The following PLEC variants were observed in gnomAD, a reference collection of about 807,000 sequenced individuals.
The protein encoded by PLEC is hemidesmosomal protein 1.
Under a neutral mutation model 392.8 loss-of-function variants are expected in PLEC, and 216 were observed. The ratio of observed to expected loss-of-function variants is 0.55; its 90% confidence interval spans 0.49 to 0.62. PLEC has a LOEUF of 0.62. Ranked by LOEUF, PLEC falls within the 20% of genes least tolerant of loss-of-function variation. PLEC has a pLI of 0.00. For synonymous variants in PLEC, 3,621 were observed against 2,980.6 expected, an observed-to-expected ratio of 1.21 and a Z score of -7.00; for missense variants, 6,863 against 6,563.4, an observed-to-expected ratio of 1.05 and a Z score of -1.58.
chr8:143,933,138 T>C, intron 13 of PLEC, 27 bp from the exon 14 acceptor site: 1 of 1,603,240 alleles, frequency 6.2e-7, no homozygotes, highest in South Asian at 1.1e-5. Context: ...CTCAGGTAGG[T>C]GTTGGCGGGC....
At chr8:143,952,835 C>T (rs1056180012), upstream of PLEC, among the ~76,000 whole-genome samples, 2 of 152,174 alleles carry the variant, frequency 1.3e-5, no homozygotes, top group African/African-American at 2.4e-5. Flanking sequence ...GCGGTAGCTT[C>T]CTCCAGCAGA....
In PLEC at chr8:143,915,276, G is replaced by GT. The variant is rs1214683393; in HGVS notation, c.*900dup. The GT allele has an allele frequency of 2.6e-5, 4 of 152,648 alleles. No individual in the cohort carries two copies. Among genetic ancestry groups the GT allele is most frequent in the African/African-American group, 9.6e-5 (4 of 41,468 alleles). The allele number at this position is 152,648 out of a possible 1,614,324, so 9.5% of individuals were successfully genotyped here. A position where few individuals can be genotyped will look rare whatever the true frequency, so the allele number is the denominator to read the frequency against. On this transcript the variant is annotated 3_prime_UTR_variant, in exon 32 of 32. Coordinates refer to ENST00000345136, the MANE Select transcript of PLEC (RefSeq NM_201384.3). ...TCCACCTGCCACCCGCCCGGGGTTA[G>GT]TGGAACATGCAAAGCTCAGAGGGTG...
At position 143,917,779 on chromosome 8, in the gene PLEC, G is replaced by A; in HGVS notation, c.12042C>T (p.Tyr4014=). The A allele has an allele frequency of 9.3e-6, 15 of 1,613,574 alleles. No individual in the cohort carries two copies. The highest frequency in any genetic ancestry group is 1.3e-5 in the African/African-American group (1 of 75,016). ...TGAGCTTCCCAGAGTAGGGGTCCTT[G>A]TACCCAGTGACGGCGCGCTCGGCCG... ...LLSAERAVTG[Y]KDPYSGKLIS... The change falls in exon 32 of 32, where the codon TAC becomes TAT. Residue 4014 remains tyrosine (Y), a synonymous_variant. Coordinates refer to ENST00000345136, the MANE Select transcript of PLEC (RefSeq NM_201384.3).
chr8:143,976,142 C>T (rs1564242959), upstream of PLEC, among the ~76,000 whole-genome samples: 2 of 152,232 alleles, frequency 1.3e-5, no homozygotes, highest in South Asian at 2.1e-4. Flanking sequence ...TCTGCTGCAG[C>T]GAGGCCGGGA....
At position 143,922,098 on chromosome 8, in the gene PLEC, G is replaced by A. The variant is rs1554688342; in HGVS notation, c.7723C>T (p.Gln2575Ter). The change falls in exon 32 of 32, where the codon CAG becomes TAG. Residue 2575 changes from glutamine (Q) to a stop codon, truncating the protein, a stop_gained. Transcript: ENST00000345136. LOFTEE classifies it low-confidence loss of function (END_TRUNC). ...GVRRKQEELQQLEQQRRQQEE... is the reference protein window; with the variant it reads ...GVRRKQEELQ Reference sequence around the variant, plus strand: ...TGCTGCCGCCGCTGCTGCTCCAGCTGCTGCAGCTCCTCCTGCTTGCGCCGC... The same window carrying A: ...TGCTGCCGCCGCTGCTGCTCCAGCTACTGCAGCTCCTCCTGCTTGCGCCGC... 6.4e-7 allele frequency: 1 copy of A among 1,563,524 alleles called. No individual in the cohort carries two copies. The highest frequency in any genetic ancestry group is 8.6e-7 in the Non-Finnish European group (1 of 1,161,654).
chr8:143,961,446 G>T (rs995661017), intron 1 of PLEC, among the ~76,000 whole-genome samples: 2 of 152,088 alleles, frequency 1.3e-5, no homozygotes, highest in Non-Finnish European at 2.9e-5. Context: ...GGCTGGTCTC[G>T]TACTCCTGAC....
chr8:143,918,995 T>G lies in PLEC; in HGVS notation c.10826A>C (p.Gln3609Pro). The G allele has an allele frequency of 6.2e-7, 1 of 1,611,216 alleles. No individual in the cohort carries two copies. The highest frequency in any genetic ancestry group is 1.1e-5 in the South Asian group (1 of 91,088). The change falls in exon 32 of 32, where the codon CAG (glutamine) becomes CCG (proline). Residue 3609 changes from glutamine (Q) to proline (P), a missense_variant. Gln to Pro is a moderately conservative substitution (Grantham distance 76). Transcript: ENST00000345136. Reference protein sequence around the residue: ...EQRAQLMADFQAGRVTKERMI... With the variant: ...EQRAQLMADFPAGRVTKERMI... ...GCGTTCCTTGGTCACCCGGCCGGCC[T>G]GGAAGTCAGCCATCAGCTGGGCCCG...
Position 143,927,610 on chromosome 8 carries a change from C to T in PLEC, c.3556G>A (p.Glu1186Lys). ...TGGGCCAGCACAGCCTGCCAGCGCT[C>T]AAGCAACTGGGCGACCCGCTCCCGC... The part of the protein sequence containing the change: ...RWRERVAQLL[E>K]RWQAVLAQTD... Residue 1186 changes from glutamate to lysine, a missense_variant, in exon 27 of 32, where the codon GAG becomes AAG. Glu to Lys is a moderately conservative substitution (Grantham distance 56). Transcript: ENST00000345136. The T allele has an allele frequency of 1.3e-6, 2 of 1,587,444 alleles. No homozygotes were observed. Among genetic ancestry groups the T allele is most frequent in the South Asian group, 1.1e-5 (1 of 89,478 alleles).
At position 143,969,595 on chromosome 8, in the gene PLEC, T is replaced by C. The variant is rs1044493304; in HGVS notation, c.70+3808A>G. Among the ~76,000 whole-genome samples the C allele has an allele frequency of 2.0e-5, 3 of 151,782 alleles. No homozygotes were observed. Among genetic ancestry groups the C allele is most frequent in the Non-Finnish European group, 4.4e-5 (3 of 67,938 alleles). On this transcript the variant is annotated intron_variant, in intron 1 of 31. Coordinates refer to the PLEC transcript ENST00000356346. This position sits in a 1 kb window ranked among gnomAD's most constrained non-coding sequence, Gnocchi z 5.1. ...GGCGGGGACAGTTCTAGGAGAGAGT[T>C]GTGGCAATGCAGGTGAGTGGAGGTG...
intron 1 of PLEC, among the ~76,000 whole-genome samples, chr8:143,948,372 G>A (rs1554733344): frequency 1.3e-5 from 2 of 152,248 alleles, no homozygotes; most frequent in Non-Finnish European, 2.9e-5. Flanking sequence ...AAAACTCCAA[G>A]AAGTGCCTGG....
chr8:143,924,915 C>T lies in PLEC; in HGVS notation c.5014G>A (p.Glu1672Lys), dbSNP rs782791575. 62 of 1,585,032 alleles carry T rather than the reference C, an allele frequency of 3.9e-5. No homozygotes were observed. The highest frequency in any genetic ancestry group is 4.0e-5 in the Non-Finnish European group (47 of 1,173,598). ...AEKQKEEAER[E>K]ARRRGKAEEQ... ...TCCGCCTTGCCGCGCCGCCGCGCCT[C>T]GCGCTCCGCCTCCTCCTTCTGCTTC... Residue 1672 changes from glutamate to lysine, a missense_variant, in exon 31 of 32, where the codon GAG becomes AAG. Coordinates refer to ENST00000345136, the MANE Select transcript of PLEC (RefSeq NM_201384.3).
In PLEC at chr8:143,916,464, T is replaced by C. The variant is rs376093629; in HGVS notation, c.13357A>G (p.Ser4453Gly). 1 of 1,611,788 alleles carries C rather than the reference T, an allele frequency of 6.2e-7. No individual in the cohort carries two copies. Among genetic ancestry groups the C allele is most frequent in the Non-Finnish European group, 8.5e-7 (1 of 1,179,502 alleles). ...AGCCCCGTGCCCTCCTCCACCATGC[T>C]GCGGTCCAGCGCGTCCTTATAGGAG... Reference protein sequence around the residue: ...KISYKDALDRSMVEEGTGLRL... With the variant: ...KISYKDALDRGMVEEGTGLRL... Residue 4453 changes from serine to glycine, a missense_variant, in exon 32 of 32, where the codon AGC (serine) becomes GGC (glycine). Ser to Gly is a moderately conservative substitution (Grantham distance 56, BLOSUM62 0). Transcript: ENST00000345136.
upstream of PLEC, among the ~76,000 whole-genome samples, chr8:143,956,307 C>A (rs1377271062): frequency 2.0e-5 from 3 of 152,160 alleles, no homozygotes; most frequent in African/African-American, 7.2e-5. Context: ...ATTGGCCAGG[C>A]GTGGTGGCTG....
chr8:143,946,862 C>T (rs1831553012), intron 1 of PLEC, among the ~76,000 whole-genome samples: 2 of 151,336 alleles, frequency 1.3e-5, no homozygotes, highest in African/African-American at 4.9e-5. Flanking sequence ...CCTTGAGACT[C>T]ACATTCCTCA....
At position 143,925,336 on chromosome 8, in the gene PLEC, C is replaced by A. The variant is rs1413927119; in HGVS notation, c.4593G>T (p.Lys1531Asn). ...CCTCCAGGGCCTGCAGGGCCCGCTG[C>A]TTCTCGCGCGCCGCCTCGGCCTCGG... Reference protein sequence around the residue: ...VKAEAEAAREKQRALQALEEL... With the variant: ...VKAEAEAARENQRALQALEEL... Residue 1531 changes from lysine (K) to asparagine (N), a missense_variant, in exon 31 of 32, where the codon AAG becomes AAT. Coordinates refer to ENST00000345136, the MANE Select transcript of PLEC (RefSeq NM_201384.3). The A allele has an allele frequency of 2.6e-6, 4 of 1,555,630 alleles. No homozygotes were observed. Among genetic ancestry groups the A allele is most frequent in the Non-Finnish European group, 2.6e-6 (3 of 1,158,676 alleles).
rs782167428 is a variant in PLEC at position 143,924,033 on chromosome 8, C to T, written c.5896G>A (p.Glu1966Lys). 9.4e-6 allele frequency: 15 copies of T among 1,594,230 alleles called. No individual in the cohort carries two copies. The highest frequency in any genetic ancestry group is 4.5e-5 in the East Asian group (2 of 44,584). ...TGCCGCTGCCTCGCAGCCTCCAGCTCGGCCTGCTCCTTGCTGCGCAGCGTG... is the reference window on the plus strand; with the variant it reads ...TGCCGCTGCCTCGCAGCCTCCAGCTTGGCCTGCTCCTTGCTGCGCAGCGTG... ...EDTLRSKEQA[E>K]LEAARQRQLA... The change falls in exon 31 of 32, where the codon GAG becomes AAG. Residue 1966 changes from glutamate to lysine, a missense_variant. By Grantham distance (56) the Glu-to-Lys change is moderately conservative. Transcript: ENST00000345136.
At chr8:143,938,522 G>A (rs1464140556) in intron 2 of PLEC, 109 bp downstream of exon 2, 37 of 1,550,806 alleles carry the variant, frequency 2.4e-5, no homozygotes, top group Middle Eastern at 1.7e-4. Context: ...AGAGATGAAA[G>A]GTGAGCACAC....
intron 1 of PLEC, among the ~76,000 whole-genome samples, chr8:143,945,001 T>C (rs1412235716): frequency 6.9e-6 from 1 of 144,522 alleles, no homozygotes; most frequent in Non-Finnish European, 1.5e-5. Context: ...TCTAATATAA[T>C]AGAGCAGGGC....
rs13439518 is a variant in PLEC at position 143,938,003 on chromosome 8, G to A, written c.264+148C>T. On this transcript the variant is annotated intron_variant, in intron 3 of 31. Coordinates refer to ENST00000345136, the MANE Select transcript of PLEC (RefSeq NM_201384.3). ...CTGGGCGGGAGGTGCTGCCAGGGAC[G>A]AGGCCAGCCTGCCCCCAGGGAGAAG... is the stretch of plus-strand genomic sequence containing the variant. 4,734 of 660,240 alleles carry A rather than the reference G, an allele frequency of 7.2e-3. 36 individuals are homozygous for A. The highest frequency in any genetic ancestry group is 0.029 in the African/African-American group (1,607 of 56,126). 40.9% of individuals were successfully genotyped at this position (660,240 alleles called of 1,614,324 possible).
Sources: allele counts gnomAD v4.1 joint callset (sites outside exome capture counted in the v4.1 genomes callset), GRCh38; gene constraint gnomAD v4.1.1; non-coding constraint Gnocchi (gnomAD v3.1); transcripts MANE v1.5; gene names NCBI Gene and HGNC (gene_info 2026-07-23, HGNC 2026-07-21).